The following MYLK variants were observed in gnomAD, a reference collection of about 807,000 sequenced individuals.
MYLK encodes the protein myosin light chain kinase, smooth muscle.
A neutral mutation model predicts 203.4 loss-of-function variants in MYLK; 106 were observed. The ratio of observed to expected loss-of-function variants is 0.52; its 90% confidence interval spans 0.45 to 0.61. The LOEUF (loss-of-function observed/expected upper bound fraction) is 0.61. MYLK is among the 20% of genes least tolerant of loss of function. MYLK has a pLI of 0.00. For synonymous variants in MYLK, 867 were observed against 959.5 expected, an observed-to-expected ratio of 0.90 and a Z score of 1.78; for missense variants, 2,072 against 2,442.3, an observed-to-expected ratio of 0.85 and a Z score of 3.20.
At position 123,611,839 on chromosome 3, in the gene MYLK, C is replaced by T. The variant is rs1202847192; in HGVS notation, c.*2266G>A. On this transcript the variant is annotated 3_prime_UTR_variant, in exon 34 of 34. Transcript: ENST00000360304. Reference sequence around the variant, plus strand: ...CATAAGGAGCGTGAAACCTAGATCCCTCACATGAGCAGTTCACAATAGAGT... The same window carrying T: ...CATAAGGAGCGTGAAACCTAGATCCTTCACATGAGCAGTTCACAATAGAGT... 6.5e-6 allele frequency: 1 copy of T among 153,066 alleles called. No individual in the cohort carries two copies. 9.5% of individuals were successfully genotyped at this position (153,066 alleles called of 1,614,324 possible).
In MYLK at chr3:123,672,466, C is replaced by T. The variant is rs113328542; in HGVS notation, c.3653-5279G>A. On this transcript the variant is annotated intron_variant, in intron 20 of 33. Transcript: ENST00000360304. ...AGTCAGCCCTAGAAGACTAATATAG[C>T]TGTGGATGGGCATCATTAGTGGGGT... Among the ~76,000 whole-genome samples, 981 of 152,094 alleles carry T rather than the reference C, an allele frequency of 6.4e-3. 9 individuals are homozygous for T. The highest frequency in any genetic ancestry group is 0.022 in the African/African-American group (922 of 41,490).
chr3:123,813,344 A>G (rs2065625344), intron 3 of MYLK, among the ~76,000 whole-genome samples: 1 of 152,194 alleles, frequency 6.6e-6, no homozygotes, highest in Non-Finnish European at 1.5e-5. Context: ...TCTTGGGTCA[A>G]AGTTAAATAT....
intron 1 of MYLK, among the ~76,000 whole-genome samples, chr3:123,877,357 A>G (rs1276516326): frequency 6.6e-6 from 1 of 152,218 alleles, no homozygotes. Flanking sequence ...GTTTTAGATC[A>G]ACAAAGCAAT....
intron 5 of MYLK, among the ~76,000 whole-genome samples, chr3:123,748,184 A>C (rs2063078373): frequency 6.6e-6 from 1 of 152,216 alleles, no homozygotes; most frequent in African/African-American, 2.4e-5. Context: ...AGGGAGAAAG[A>C]GAGAGAAGGG....
chr3:123,827,653 C>G (rs1010428582), intron 3 of MYLK, among the ~76,000 whole-genome samples: 1 of 129,016 alleles, frequency 7.8e-6, no homozygotes, highest in African/African-American at 2.9e-5. Flanking sequence ...AAGAAATGCT[C>G]AAGGGATTCT....
At chr3:123,849,368 T>C (rs990481369) in intron 2 of MYLK, among the ~76,000 whole-genome samples, 1 of 152,186 alleles carries the variant, frequency 6.6e-6, no homozygotes, top group African/African-American at 2.4e-5. Flanking sequence ...AGTTAAGAGA[T>C]CAGTTGTGCT....
chr3:123,751,424 C>T (rs2108875232), intron 5 of MYLK, among the ~76,000 whole-genome samples: 1 of 152,260 alleles, frequency 6.6e-6, no homozygotes, highest in African/African-American at 2.4e-5. Context: ...TAGGTTGGTG[C>T]AAAAGTCATG....
chr3:123,623,280 G>A (rs2057969086), intron 31 of MYLK: 1 of 151,968 alleles, frequency 6.6e-6, no homozygotes, highest in South Asian at 2.1e-4. Context: ...ATACTGCTGG[G>A]GTCTTTATGG....
rs147295583 is a variant in MYLK at position 123,708,762 on chromosome 3, C to T, written c.2076G>A (p.Thr692=). 3.6e-5 allele frequency: 58 copies of T among 1,614,154 alleles called. No individual in the cohort carries two copies. Among genetic ancestry groups the T allele is most frequent in the Middle Eastern group, 1.7e-4 (1 of 6,060 alleles). The part of the protein sequence containing the change: ...IQEVFPEDTG[T]YTCEAWNSAG... ...CGCTGTTCCAGGCCTCGCAGGTGTA[C>T]GTGCCCGTGTCCTCCGGGAACACTT... The change falls in exon 15 of 34, where the codon ACG becomes ACA. Residue 692 remains threonine (T), a synonymous_variant. Transcript: ENST00000360304.
intron 3 of MYLK, among the ~76,000 whole-genome samples, chr3:123,797,099 G>A (rs1269513534): frequency 1.3e-5 from 2 of 152,122 alleles, no homozygotes; most frequent in Non-Finnish European, 2.9e-5. Flanking sequence ...ATAAGAATTT[G>A]ATGATATAGA....
chr3:123,744,522 A>G (rs2062956628), intron 5 of MYLK, among the ~76,000 whole-genome samples: 2 of 152,234 alleles, frequency 1.3e-5, no homozygotes, highest in Admixed American at 1.3e-4. Context: ...GAAGTAGAGA[A>G]CATTTTTAGA....
At chr3:123,634,410 A>G (rs2058560346) in intron 29 of MYLK, among the ~76,000 whole-genome samples, 1 of 152,184 alleles carries the variant, frequency 6.6e-6, no homozygotes, top group Non-Finnish European at 1.5e-5. Flanking sequence ...ATGCCCCGGC[A>G]CTGTGACCCC....
intron 29 of MYLK, among the ~76,000 whole-genome samples, chr3:123,637,192 A>T (rs1334395999): frequency 6.6e-6 from 1 of 152,226 alleles, no homozygotes; most frequent in Admixed American, 6.5e-5. Context: ...CCATAACTGC[A>T]TGTGGCCACA....
intron 3 of MYLK, among the ~76,000 whole-genome samples, chr3:123,820,824 G>A (rs1204665612): frequency 6.6e-6 from 1 of 152,014 alleles, no homozygotes; most frequent in Non-Finnish European, 1.5e-5. Context: ...CCCAGGTTCA[G>A]GCAATTCTCC....
In MYLK at chr3:123,831,601, C is replaced by T. The variant is rs1301623252; in HGVS notation, c.-57G>A. 1.7e-5 allele frequency: 5 copies of T among 293,392 alleles called. No individual in the cohort carries two copies. Among genetic ancestry groups the T allele is most frequent in the African/African-American group, 4.5e-5 (2 of 44,824 alleles). The allele number at this position is 293,392 out of a possible 1,614,324, so 18.2% of individuals were successfully genotyped here. A position where few individuals can be genotyped will look rare whatever the true frequency, so the allele number is the denominator to read the frequency against. On this transcript the variant is annotated 5_prime_UTR_variant, in exon 3 of 34. Transcript: ENST00000360304. ...AACTGGGCCAGTGGGACAGGAAAGG[C>T]GTCCTGAAGCTCTCGGCTGGGAAGC...
At chr3:123,731,652 A>T (rs1210251591) in intron 11 of MYLK, among the ~76,000 whole-genome samples, 1 of 152,164 alleles carries the variant, frequency 6.6e-6, no homozygotes, top group East Asian at 1.9e-4. Context: ...ACTTTCATTT[A>T]TATCAATATT....
chr3:123,678,239 G>C (rs973303388), intron 20 of MYLK, among the ~76,000 whole-genome samples: 5 of 151,888 alleles, frequency 3.3e-5, no homozygotes, highest in Admixed American at 3.3e-4. Context: ...CTTCACTCCA[G>C]CATCTGTGTG....
At chr3:123,745,360 G>A (rs1246361077) in intron 5 of MYLK, among the ~76,000 whole-genome samples, 1 of 152,162 alleles carries the variant, frequency 6.6e-6, no homozygotes, top group East Asian at 1.9e-4. Context: ...TTTAGGGCCA[G>A]TGGCTTAAGA....
intron 31 of MYLK, chr3:123,620,614 T>G: frequency 8.2e-7 from 1 of 1,219,690 alleles, no homozygotes; most frequent in Non-Finnish European, 1.0e-6. Context: ...AAAACCCTTT[T>G]CATACAGTGC....
Sources: allele counts gnomAD v4.1 joint callset (sites outside exome capture counted in the v4.1 genomes callset), GRCh38; gene constraint gnomAD v4.1.1; transcripts MANE v1.5; gene names NCBI Gene and HGNC (gene_info 2026-07-23, HGNC 2026-07-21).